The following ENOX1 variants were observed in gnomAD, a reference collection of about 807,000 sequenced individuals.
ENOX1 encodes candidate growth-related and time keeping constitutive hydroquinone (NADH) oxidase.
ENOX1 carries 42 observed loss-of-function variants against 82.5 expected under a neutral mutation model. The observed-to-expected ratio is 0.51, with a 90% CI of 0.40 to 0.66. ENOX1 has a LOEUF of 0.66. Ranked by LOEUF, ENOX1 falls within the 30% of genes least tolerant of loss-of-function variation. ENOX1 has a pLI of 0.00. For synonymous variants in ENOX1, 271 were observed against 282.2 expected, an observed-to-expected ratio of 0.96 and a Z score of 0.40; for missense variants, 608 against 811.6, an observed-to-expected ratio of 0.75 and a Z score of 3.05.
intron 1 of ENOX1, among the ~76,000 whole-genome samples, chr13:43,733,566 C>T (rs1309974413): frequency 6.6e-5 from 10 of 152,202 alleles, no homozygotes; most frequent in Admixed American, 6.5e-4. Flanking sequence ...ACCAAAAGCA[C>T]TGCCCTTTAA....
At chr13:43,344,278 G>C (rs1233625752) in intron 9 of ENOX1, among the ~76,000 whole-genome samples, 1 of 152,190 alleles carries the variant, frequency 6.6e-6, no homozygotes, top group African/African-American at 2.4e-5. Flanking sequence ...GCATCTAGCT[G>C]CCCTGCCCTG....
At chr13:43,474,195 G>A (rs900247407) in intron 3 of ENOX1, among the ~76,000 whole-genome samples, 1 of 152,064 alleles carries the variant, frequency 6.6e-6, no homozygotes, top group Admixed American at 6.6e-5. Flanking sequence ...AAGATAGCGA[G>A]GGTTTTTGTT....
At chr13:43,600,110 A>G (rs997799910) in intron 2 of ENOX1, among the ~76,000 whole-genome samples, 2 of 152,106 alleles carry the variant, frequency 1.3e-5, no homozygotes, top group African/African-American at 4.8e-5. Flanking sequence ...TGAAGTGGCT[A>G]TGGGGAAGGA....
intron 1 of ENOX1, among the ~76,000 whole-genome samples, chr13:43,679,663 T>C (rs142216670): frequency 2.0e-5 from 3 of 152,188 alleles, no homozygotes; most frequent in Non-Finnish European, 2.9e-5. Context: ...GGTTAAATTA[T>C]CCCTAAGATC....
At chr13:43,415,259 T>A (rs1015333001) in intron 3 of ENOX1, among the ~76,000 whole-genome samples, 1 of 136,512 alleles carries the variant, frequency 7.3e-6, no homozygotes, top group African/African-American at 2.8e-5. Context: ...TTTTTTTTTT[T>A]AGTATTTATT....
intron 1 of ENOX1, among the ~76,000 whole-genome samples, chr13:43,720,338 A>T (rs2153817741): frequency 6.6e-6 from 1 of 152,298 alleles, no homozygotes; most frequent in East Asian, 1.9e-4. Context: ...GTGACTTCGC[A>T]CAAGTTTTCC....
chr13:43,705,071 G>A (rs2153810441), intron 1 of ENOX1, among the ~76,000 whole-genome samples: 1 of 151,734 alleles, frequency 6.6e-6, no homozygotes, highest in African/African-American at 2.4e-5. Context: ...GACTACAGAG[G>A]ATATAAAACA....
chr13:43,534,504 C>G (rs1461646755), intron 2 of ENOX1, among the ~76,000 whole-genome samples: 1 of 152,116 alleles, frequency 6.6e-6, no homozygotes, highest in East Asian at 1.9e-4. Flanking sequence ...CCCTTAACTC[C>G]TAGAGGGTAA....
intron 11 of ENOX1, among the ~76,000 whole-genome samples, chr13:43,311,989 A>G (rs1380673660): frequency 1.3e-5 from 2 of 152,200 alleles, no homozygotes; most frequent in Non-Finnish European, 1.5e-5. Flanking sequence ...ACTACAAGAA[A>G]AATAAAATCT....
intron 2 of ENOX1, among the ~76,000 whole-genome samples, chr13:43,517,910 A>C (rs1403837547): frequency 6.6e-6 from 1 of 152,116 alleles, no homozygotes; most frequent in Non-Finnish European, 1.5e-5. Context: ...CTAGACATTA[A>C]ATCTGCTGGC....
At chr13:43,712,581 C>G (rs1249019153) in intron 1 of ENOX1, among the ~76,000 whole-genome samples, 1 of 147,992 alleles carries the variant, frequency 6.8e-6, no homozygotes, top group Non-Finnish European at 1.5e-5. Context: ...TTTGTATCCT[C>G]TTTTATTTCA....
At chr13:43,566,545 A>G (rs2079928542) in intron 2 of ENOX1, among the ~76,000 whole-genome samples, 1 of 152,104 alleles carries the variant, frequency 6.6e-6, no homozygotes. Context: ...TGGCAATAGC[A>G]TGTCTATCTT....
chr13:43,467,414 G>C (rs1222323030), intron 3 of ENOX1, among the ~76,000 whole-genome samples: 1 of 151,942 alleles, frequency 6.6e-6, no homozygotes, highest in Non-Finnish European at 1.5e-5. Flanking sequence ...ACCACGTTGT[G>C]GTTTTGATTT....
chr13:43,280,572 T>A (rs2045319806), intron 12 of ENOX1, among the ~76,000 whole-genome samples: 1 of 152,204 alleles, frequency 6.6e-6, no homozygotes. Context: ...GTTTTGCAGA[T>A]CAGTGAAGAG....
intron 2 of ENOX1, among the ~76,000 whole-genome samples, chr13:43,525,759 T>C (rs2077964284): frequency 6.6e-6 from 1 of 152,166 alleles, no homozygotes; most frequent in Non-Finnish European, 1.5e-5. Flanking sequence ...TTGTGCTTAT[T>C]AGCCATTTGT....
intron 2 of ENOX1, among the ~76,000 whole-genome samples, chr13:43,507,584 T>C (rs1357703786): frequency 6.6e-6 from 1 of 152,032 alleles, no homozygotes; most frequent in East Asian, 1.9e-4. Flanking sequence ...CTTTCAGATA[T>C]ACAAAGATTC....
rs185280237 is a variant in ENOX1, at chr13:43,652,132, G to A, written c.-219+15347C>T. ...GAATCAGAAAATGATGCCTCTTCAG[G>A]TCTATACCTTAGCACCATTTGACTA... On this transcript the variant is annotated intron_variant, in intron 2 of 16. Coordinates refer to ENST00000690772, the MANE Select transcript of ENOX1 (RefSeq NM_001347969.2). Among the ~76,000 whole-genome samples the A allele has an allele frequency of 7.5e-4, 114 of 152,216 alleles. 1 individual carries two copies. The highest frequency in any genetic ancestry group is 2.4e-3 in the African/African-American group (98 of 41,548).
intron 2 of ENOX1, among the ~76,000 whole-genome samples, chr13:43,591,387 A>AG (rs1159669780): frequency 1.3e-5 from 2 of 152,236 alleles, no homozygotes; most frequent in Non-Finnish European, 2.9e-5. Context: ...AGCCAAACAG[A>AG]GTATGAGTCC....
intron 2 of ENOX1, among the ~76,000 whole-genome samples, chr13:43,597,240 C>T (rs781443778): frequency 5.3e-5 from 8 of 152,076 alleles, no homozygotes; most frequent in Non-Finnish European, 8.8e-5. Context: ...GGCCCTCCTC[C>T]GATACGTGGG....
Sources: gnomAD v4.1 joint callset for allele counts (sites outside exome capture counted in the v4.1 genomes callset) on GRCh38, gnomAD v4.1.1 for gene constraint, MANE v1.5 for transcripts, NCBI Gene and HGNC (gene_info 2026-07-23, HGNC 2026-07-21) for gene names.